Variants in CEP295 observed in about 807,000 individuals in gnomAD.
The protein encoded by CEP295 is centrosomal protein of 295 kDa.
CEP295 carries 190 observed loss-of-function variants against 291.6 expected under a neutral mutation model. That is an observed-to-expected ratio of 0.65 (90% CI 0.58 to 0.73). The LOEUF (loss-of-function observed/expected upper bound fraction) is 0.73. Ranked by LOEUF, CEP295 falls within the 30% of genes least tolerant of loss-of-function variation. The pLI, the probability that CEP295 is intolerant of heterozygous loss-of-function variation, is 0.00. For missense variants in CEP295, 2,863 were observed against 2,949.4 expected, an observed-to-expected ratio of 0.97 and a Z score of 0.68; for synonymous variants, 993 against 1,038.8, an observed-to-expected ratio of 0.96 and a Z score of 0.85.
chr11:93,729,406 GT>G, intron 25 of CEP295, 27 bp from the exon 26 acceptor site: 1 of 1,475,126 alleles, frequency 6.8e-7, no homozygotes, highest in Admixed American at 2.0e-5. Context: ...TTTAAAAAGA[GT>G]AAAACATGCA....
chr11:93,724,532 C>A (rs1334056539), intron 22 of CEP295, among the ~76,000 whole-genome samples, 157 bp downstream of exon 22: 1 of 151,784 alleles, frequency 6.6e-6, no homozygotes, highest in Non-Finnish European at 1.5e-5. Context: ...TTTGAGAGCC[C>A]AAGGCGGGCA....
intron 7 of CEP295, among the ~76,000 whole-genome samples, chr11:93,680,885 T>C (rs1254325100): frequency 6.6e-6 from 1 of 152,206 alleles, no homozygotes; most frequent in Non-Finnish European, 1.5e-5. Flanking sequence ...TTCTTAAAAA[T>C]GCATTGGAAA....
intron 17 of CEP295, among the ~76,000 whole-genome samples, chr11:93,703,200 G>A (rs555823043): frequency 6.6e-6 from 1 of 152,246 alleles, no homozygotes; most frequent in African/African-American, 2.4e-5. Flanking sequence ...CTGACCTCAG[G>A]TGATCTGCCT....
Position 93,695,447 on chromosome 11 carries a change from G to C in CEP295, c.1534-50G>C. ...TTTAAATGGAACGTGTGTTATCTTT[G>C]CCTTTGTATGAGTTTGTTGTTAATA... On this transcript the variant is annotated intron_variant, in intron 12 of 29. Coordinates refer to ENST00000325212, the MANE Select transcript of CEP295 (RefSeq NM_033395.2). The C allele has an allele frequency of 3.3e-6, 4 of 1,226,554 alleles. No individual in the cohort carries two copies. In the South Asian group the frequency reaches 5.9e-5, roughly 18 times the overall value. The allele number at this position is 1,226,554 out of a possible 1,614,324, so 76.0% of individuals were successfully genotyped here.
chr11:93,676,174 C>T (rs115103642), intron 6 of CEP295, among the ~76,000 whole-genome samples: 2,612 of 151,944 alleles, frequency 0.017, 78 homozygotes, highest in African/African-American at 0.06. Context: ...TTATCTTGCA[C>T]GTTTTTATCC....
chr11:93,677,608 C>A (rs1394805784), intron 6 of CEP295, among the ~76,000 whole-genome samples: 1 of 152,110 alleles, frequency 6.6e-6, no homozygotes, highest in East Asian at 1.9e-4. Context: ...CATGTCTATT[C>A]TTTGTCAGTG....
At chr11:93,718,332 C>T (rs1033404304) in intron 18 of CEP295, among the ~76,000 whole-genome samples, 2 of 152,282 alleles carry the variant, frequency 1.3e-5, no homozygotes, top group Middle Eastern at 3.4e-3. Context: ...TACTGTCTGC[C>T]CTTGTAGGAA....
In CEP295 at chr11:93,699,731, T is replaced by C. The variant is rs780568001; in HGVS notation, c.4819T>C (p.Leu1607=). Residue 1607 remains leucine (L), a synonymous_variant, in exon 15 of 30, where the codon TTG becomes CTG. Coordinates refer to ENST00000325212, the MANE Select transcript of CEP295 (RefSeq NM_033395.2). The part of the protein sequence containing the change: ...LPQQDNMTAQ[L]DAQREVMYSY... ...TCAGCAAGATAATATGACAGCACAA[T>C]TGGATGCACAAAGGGAAGTGATGTA... is the stretch of plus-strand genomic sequence containing the variant. 2 of 1,551,702 alleles carry C rather than the reference T, an allele frequency of 1.3e-6. No homozygotes were observed. Among genetic ancestry groups the C allele is most frequent in the Non-Finnish European group, 1.7e-6 (2 of 1,147,018 alleles).
At position 93,698,735 on chromosome 11, in the gene CEP295, C is replaced by T; in HGVS notation, c.3823C>T (p.Gln1275Ter). The change falls in exon 15 of 30, where the codon CAG becomes TAG. Residue 1275 changes from glutamine to a stop codon, truncating the protein, a stop_gained. Coordinates refer to ENST00000325212, the MANE Select transcript of CEP295 (RefSeq NM_033395.2). LOFTEE classifies it high-confidence loss of function. The stretch of plus-strand genomic sequence containing the variant: ...TGAGAAAGAAGCCTTTCATTTCAGC[C>T]AGAAAACCCAAGAAAATACATCTTC... ...DTEKEAFHFS[Q>*]KTQENTSSEQ... is the part of the protein sequence containing the mutation. 1 of 1,551,624 alleles carries T rather than the reference C, an allele frequency of 6.4e-7. No individual in the cohort carries two copies. Among genetic ancestry groups the T allele is most frequent in the South Asian group, 1.2e-5 (1 of 84,060 alleles).
At chr11:93,717,735 A>T (rs926204405) in intron 18 of CEP295, among the ~76,000 whole-genome samples, 35 of 149,002 alleles carry the variant, frequency 2.3e-4, no homozygotes, top group African/African-American at 8.1e-4. Flanking sequence ...AAGGGGTCTC[A>T]TTTTTTTTTT....
intron 9 of CEP295, among the ~76,000 whole-genome samples, chr11:93,686,904 A>G (rs1184970730): frequency 3.9e-5 from 6 of 152,242 alleles, no homozygotes; most frequent in Non-Finnish European, 8.8e-5. Context: ...AGACAAAACT[A>G]CAATCTGCCT....
At position 93,699,987 on chromosome 11, in the gene CEP295, A is replaced by T; in HGVS notation, c.5075A>T (p.Asp1692Val). 6.4e-7 allele frequency: 1 copy of T among 1,551,734 alleles called. No individual in the cohort carries two copies. The highest frequency in any genetic ancestry group is 8.7e-7 in the Non-Finnish European group (1 of 1,146,998). The change falls in exon 15 of 30, where the codon GAT becomes GTT. Residue 1692 changes from aspartate to valine, a missense_variant. Around this residue, in one of 3 missense-constraint regions of CEP295, gnomAD observed 2,295 missense variants for 2,335.7 expected, o/e 0.98. Coordinates refer to ENST00000325212, the MANE Select transcript of CEP295 (RefSeq NM_033395.2). ...AATCCTGTGATCCCAGGGTTTCAAG[A>T]TAGACTTTTGAGTTTTTCACAGTCT... Reference protein sequence around the residue: ...PSNPVIPGFQDRLLSFSQSVL... With the variant: ...PSNPVIPGFQVRLLSFSQSVL...
rs546770465 is a variant in CEP295 at position 93,705,204 on chromosome 11, A to G, written c.5597-1541A>G. Among the ~76,000 whole-genome samples, 5 of 152,252 alleles carry G rather than the reference A, an allele frequency of 3.3e-5. 1 individual carries two copies. Among genetic ancestry groups the G allele is most frequent in the Middle Eastern group, 6.8e-3 (2 of 294 alleles). ...GGAAGTTGTATGGGCCGTGCTATGCATTCTTAACAAGGGTGTTTTTTCCCC... is the reference window on the plus strand; with the variant it reads ...GGAAGTTGTATGGGCCGTGCTATGCGTTCTTAACAAGGGTGTTTTTTCCCC... On this transcript the variant is annotated intron_variant, in intron 17 of 29. Coordinates refer to ENST00000325212, the MANE Select transcript of CEP295 (RefSeq NM_033395.2).
rs975939858 is a variant in CEP295, at chr11:93,684,456, C to T, written c.1114+328C>T. ...ACTTAAGCATACCCTGAGAATGACC[C>T]TGTGTGGCATACACACCTGAATGTG... On this transcript the variant is annotated intron_variant, in intron 9 of 29. Coordinates refer to ENST00000325212, the MANE Select transcript of CEP295 (RefSeq NM_033395.2). 1.2e-3 allele frequency among the ~76,000 whole-genome samples: 184 copies of T among 152,242 alleles called. 1 individual carries two copies. Among genetic ancestry groups the T allele is most frequent in the African/African-American group, 4.2e-3 (173 of 41,546 alleles).
intron 21 of CEP295, chr11:93,723,734 GA>G (rs1953929939): frequency 6.3e-6 from 1 of 158,104 alleles, no homozygotes; most frequent in African/African-American, 2.4e-5. Context: ...TAGTAACACT[GA>G]ATACAGTGAG....
At chr11:93,728,087 GA>G (rs1358169982) in intron 24 of CEP295, 1 of 157,472 alleles carries the variant, frequency 6.4e-6, no homozygotes, top group East Asian at 1.9e-4. Flanking sequence ...ATAAGTATTG[GA>G]AACCTGCTCC....
chr11:93,696,704 A>C lies in CEP295; in HGVS notation c.1792A>C (p.Thr598Pro). Residue 598 changes from threonine to proline, a missense_variant, in exon 15 of 30, where the codon ACA becomes CCA. Around this residue, in one of 3 missense-constraint regions of CEP295, gnomAD observed 2,295 missense variants for 2,335.7 expected, o/e 0.98. Coordinates refer to ENST00000325212, the MANE Select transcript of CEP295 (RefSeq NM_033395.2). ...TAGGTTACACAGGCAGTCTGTTGAA[A>C]CAGCCAGGAAACAATTACTTGAATA... is the stretch of plus-strand genomic sequence containing the variant. ...QNRLHRQSVE[T>P]ARKQLLEYQT... is the part of the protein sequence containing the mutation. 6.5e-7 allele frequency: 1 copy of C among 1,548,966 alleles called. No individual in the cohort carries two copies.
intron 5 of CEP295, among the ~76,000 whole-genome samples, chr11:93,674,330 A>G (rs551464519): frequency 6.6e-6 from 1 of 152,228 alleles, no homozygotes; most frequent in African/African-American, 2.4e-5. Flanking sequence ...CATATATGTT[A>G]TAGCTAAAAC....
In CEP295 at chr11:93,683,991, T is replaced by C; in HGVS notation, c.977T>C (p.Leu326Pro). 1 of 1,551,578 alleles carries C rather than the reference T, an allele frequency of 6.4e-7. No individual in the cohort carries two copies. Among genetic ancestry groups the C allele is most frequent in the African/African-American group, 1.4e-5 (1 of 73,150 alleles). ...GTGAAAGGGAATCTGATTCTGCACC[T>C]TGAACCAGAGCCCTTGCCCACTGTG... ...RKVKGNLILHLEPEPLPTVTN... is the reference protein window; with the variant it reads ...RKVKGNLILHPEPEPLPTVTN... Residue 326 changes from leucine (L) to proline (P), a missense_variant, in exon 9 of 30, where the codon CTT (leucine) becomes CCT (proline). Coordinates refer to ENST00000325212, the MANE Select transcript of CEP295 (RefSeq NM_033395.2).
Sources: gnomAD v4.1 joint callset for allele counts (sites outside exome capture counted in the v4.1 genomes callset) on GRCh38, gnomAD v4.1.1 for gene constraint, gnomAD v4.1.1 regional missense constraint, MANE v1.5 for transcripts, NCBI Gene and HGNC (gene_info 2026-07-23, HGNC 2026-07-21) for gene names.